Variants in TECPR2 observed in about 807,000 individuals in gnomAD.
TECPR2 encodes the protein tectonin beta-propeller repeat-containing protein 2.
Under a neutral mutation model 138.1 loss-of-function variants are expected in TECPR2, and 65 were observed. The ratio of observed to expected loss-of-function variants is 0.47; its 90% CI spans 0.39 to 0.58. The LOEUF (loss-of-function observed/expected upper bound fraction) is 0.58, where lower values mean the gene tolerates loss of function less well. TECPR2 is among the 20% of genes least tolerant of loss of function. The pLI, the probability that TECPR2 is intolerant of heterozygous loss-of-function variation, is 0.00. For missense variants in TECPR2, 1,553 were observed against 1,824.5 expected (o/e 0.85, Z 2.71); for synonymous variants, 746 against 749.8 (o/e 0.99, Z 0.08).
chr14:102,472,311 A>G (rs1467176825), intron 17 of TECPR2, among the ~76,000 whole-genome samples: 1 of 152,216 alleles, frequency 6.6e-6, no homozygotes, highest in African/African-American at 2.4e-5. Context: ...TCCTGTCTCC[A>G]TGTAGACTCT....
At chr14:102,376,995 A>T (rs554278649) in intron 2 of TECPR2, 55 bp downstream of exon 2, 1 of 1,549,996 alleles carries the variant, frequency 6.5e-7, no homozygotes, top group Non-Finnish European at 8.8e-7. Context: ...CTGACGCTTA[A>T]CATGCTTGTG....
chr14:102,495,823 C>T (rs986292068), intron 17 of TECPR2, among the ~76,000 whole-genome samples: 2 of 152,214 alleles, frequency 1.3e-5, no homozygotes, highest in African/African-American at 4.8e-5. Flanking sequence ...CATCAGCCCA[C>T]AGTTAGGGGC....
At position 102,443,159 on chromosome 14, in the gene TECPR2, T is replaced by C. The variant is rs1889879438; in HGVS notation, c.2753-488T>C. Among the ~76,000 whole-genome samples, 1 of 152,242 alleles carries C rather than the reference T, an allele frequency of 6.6e-6. No individual in the cohort carries two copies. The highest frequency in any genetic ancestry group is 6.5e-5 in the Admixed American group (1 of 15,282). ...GCAGCCCTCTGCCTGGAAGAGCTGC[T>C]CTGCCCTGCAGCCTTTGGGCCTCCA... is the stretch of plus-strand genomic sequence containing the variant. On this transcript the variant is annotated intron_variant, in intron 11 of 19. Coordinates refer to ENST00000359520, the MANE Select transcript of TECPR2 (RefSeq NM_014844.5). The surrounding 1 kb of genome is among the most constrained non-coding windows in gnomAD (Gnocchi z 4.9).
chr14:102,432,142 C>A lies in TECPR2; in HGVS notation c.1417+14C>A. On this transcript the variant is annotated intron_variant, in intron 8 of 19. Coordinates refer to ENST00000359520, the MANE Select transcript of TECPR2 (RefSeq NM_014844.5). ...AGAAGAAGACAGGTACCCTCTGTAG[C>A]TGGCACACACCCATCTGGGGTTACA... 6.6e-7 allele frequency: 1 copy of A among 1,521,670 alleles called. No individual in the cohort carries two copies. The highest frequency in any genetic ancestry group is 2.1e-5 in the Admixed American group (1 of 47,802). 94.3% of individuals were successfully genotyped at this position (1,521,670 alleles called of 1,614,324 possible).
chr14:102,465,786 A>C, intron 17 of TECPR2: 1 of 338,692 alleles, frequency 3.0e-6, no homozygotes, highest in Non-Finnish European at 4.2e-6. Context: ...GTGCATCCCA[A>C]CACAGAGTCT....
At chr14:102,410,941 C>G (rs1484810165) in intron 4 of TECPR2, among the ~76,000 whole-genome samples, 1 of 152,304 alleles carries the variant, frequency 6.6e-6, no homozygotes, top group South Asian at 2.1e-4. Flanking sequence ...ACTCTCTAAT[C>G]AGATATCCTG....
Position 102,498,522 on chromosome 14 carries a change from A to G in TECPR2, c.*265A>G. On this transcript the variant is annotated 3_prime_UTR_variant, in exon 20 of 20. Transcript: ENST00000359520. ...CTGCCCGGCTGCATGCACTCCGATT[A>G]CCCACGTGCTGCCGTCCTGGTCTCA... The G allele has an allele frequency of 1.9e-6, 1 of 540,118 alleles. No individual in the cohort carries two copies. Among genetic ancestry groups the G allele is most frequent in the Non-Finnish European group, 3.3e-6 (1 of 299,902 alleles). The allele number at this position is 540,118 out of a possible 1,614,324, so 33.5% of individuals were successfully genotyped here. A position where few individuals can be genotyped will look rare whatever the true frequency, so the allele number is the denominator to read the frequency against.
At position 102,434,998 on chromosome 14, in the gene TECPR2, G is replaced by A. The variant is rs765050564; in HGVS notation, c.2181G>A (p.Pro727=). 1.3e-5 allele frequency: 21 copies of A among 1,613,948 alleles called. No individual in the cohort carries two copies. The highest frequency in any genetic ancestry group is 3.3e-5 in the Admixed American group (2 of 60,010). Residue 727 remains proline (P), a synonymous_variant, in exon 9 of 20, where the codon CCG becomes CCA. Transcript: ENST00000359520. The part of the protein sequence containing the change: ...VLGSVGGQLT[P]VSALAASTHK... Reference sequence around the variant, plus strand: ...GGAGTGTGGGAGGACAGCTGACTCCGGTCTCTGCCTTGGCAGCCAGCACTC... The same window carrying A: ...GGAGTGTGGGAGGACAGCTGACTCCAGTCTCTGCCTTGGCAGCCAGCACTC...
chr14:102,498,380 C>A lies in TECPR2; in HGVS notation c.*123C>A. 1.7e-6 allele frequency: 2 copies of A among 1,195,556 alleles called. No homozygotes were observed. The highest frequency in any genetic ancestry group is 2.3e-6 in the Non-Finnish European group (2 of 877,038). The allele number at this position is 1,195,556 out of a possible 1,614,324, so 74.1% of individuals were successfully genotyped here. A position where few individuals can be genotyped will look rare whatever the true frequency, so the allele number is the denominator to read the frequency against. ...TCCAGACACCTCTGGCCAGGTTGGA[C>A]CCGCACACTTACTTTCATCTATGTT... On this transcript the variant is annotated 3_prime_UTR_variant, in exon 20 of 20. Transcript: ENST00000359520.
At chr14:102,423,368 GT>G (rs1241095579) in intron 5 of TECPR2, among the ~76,000 whole-genome samples, 1 of 151,492 alleles carries the variant, frequency 6.6e-6, no homozygotes, top group Non-Finnish European at 1.5e-5. Context: ...AGAGGGAGAG[GT>G]TCCATTGCAT....
In TECPR2 at chr14:102,452,473, G is replaced by A. The variant is rs747983532; in HGVS notation, c.3486G>A (p.Thr1162=). ...SAQSAQSRPS[T]VQLPPEAEMR... ...AGAGCGCACAGTCGCGGCCCTCCACGGTGCAGCTGCCTCCCGAAGCCGAGA... is the reference window on the plus strand; with the variant it reads ...AGAGCGCACAGTCGCGGCCCTCCACAGTGCAGCTGCCTCCCGAAGCCGAGA... The change falls in exon 16 of 20, where the codon ACG becomes ACA. Residue 1162 remains threonine, a synonymous_variant. Transcript: ENST00000359520. The A allele has an allele frequency of 3.1e-5, 50 of 1,613,470 alleles. No individual in the cohort carries two copies. In the Admixed American group the frequency reaches 6.0e-4, roughly 19 times the overall value.
At position 102,425,309 on chromosome 14, in the gene TECPR2, A is replaced by T. The variant is rs4906197; in HGVS notation, c.951+18A>T. ...TCAACCAGGTAAGTGAAGGGACGCC[A>T]CCATATCTTCTGTGTCTATAGGCAA... is the stretch of plus-strand genomic sequence containing the variant. On this transcript the variant is annotated intron_variant, in intron 6 of 19. Transcript: ENST00000359520. 1.3e-6 allele frequency: 2 copies of T among 1,556,636 alleles called. No individual in the cohort carries two copies. Among genetic ancestry groups the T allele is most frequent in the Non-Finnish European group, 1.7e-6 (2 of 1,150,076 alleles).
chr14:102,457,802 A>G (rs1890310055), intron 16 of TECPR2, among the ~76,000 whole-genome samples: 1 of 150,602 alleles, frequency 6.6e-6, no homozygotes, highest in South Asian at 2.1e-4. Context: ...GTTGTTCAAT[A>G]TCAAATTTAG....
intron 17 of TECPR2, among the ~76,000 whole-genome samples, chr14:102,476,832 A>T (rs764643555): frequency 1.3e-5 from 2 of 152,042 alleles, no homozygotes; most frequent in Non-Finnish European, 2.9e-5. Context: ...AGGCGAGCAG[A>T]TTGCCTGAGC....
chr14:102,491,385 T>C (rs1392636209), intron 17 of TECPR2, among the ~76,000 whole-genome samples: 1 of 152,184 alleles, frequency 6.6e-6, no homozygotes, highest in Admixed American at 6.6e-5. Flanking sequence ...CCAGATAATT[T>C]TTTAAATTTT....
At chr14:102,432,552 T>C (rs904863594) in intron 8 of TECPR2, among the ~76,000 whole-genome samples, 1 of 151,992 alleles carries the variant, frequency 6.6e-6, no homozygotes, top group Non-Finnish European at 1.5e-5. Context: ...CGAGTATGCA[T>C]GCCCAGCGAA....
rs139126653 is a variant in TECPR2 at position 102,485,557 on chromosome 14, G to A, written c.3790-11422G>A. Among the ~76,000 whole-genome samples the A allele has an allele frequency of 3.5e-3, 536 of 152,244 alleles. 5 individuals are homozygous for A. The highest frequency in any genetic ancestry group is 0.012 in the African/African-American group (503 of 41,534). On this transcript the variant is annotated intron_variant, in intron 17 of 19. Transcript: ENST00000359520. The stretch of plus-strand genomic sequence containing the variant: ...TAGAAGTAGACCACAGGGTTCTAAC[G>A]GGGTGCCCTGGGTCCTGCAGCAGTC...
At position 102,501,065 on chromosome 14, in the gene TECPR2, A is replaced by T. The variant is rs937900296; in HGVS notation, c.*2808A>T. The T allele has an allele frequency of 6.6e-6, 1 of 152,286 alleles. No homozygotes were observed. The highest frequency in any genetic ancestry group is 6.5e-5 in the Admixed American group (1 of 15,276). 9.4% of individuals were successfully genotyped at this position (152,286 alleles called of 1,614,324 possible). A position where few individuals can be genotyped will look rare whatever the true frequency, so the allele number is the denominator to read the frequency against. Reference sequence around the variant, plus strand: ...GCTAAGTGATGACAGGTGGAGCCCCAGCAGGGGCCACTCTATTGAATGGCA... The same window carrying T: ...GCTAAGTGATGACAGGTGGAGCCCCTGCAGGGGCCACTCTATTGAATGGCA... On this transcript the variant is annotated 3_prime_UTR_variant, in exon 20 of 20. Coordinates refer to ENST00000359520, the MANE Select transcript of TECPR2 (RefSeq NM_014844.5).
chr14:102,486,883 C>G (rs1277808714), intron 17 of TECPR2, among the ~76,000 whole-genome samples: 1 of 152,128 alleles, frequency 6.6e-6, no homozygotes, highest in African/African-American at 2.4e-5. Context: ...GAAGAATAGA[C>G]CAGAAGCAGG....
Sources: allele counts gnomAD v4.1 joint callset (sites outside exome capture counted in the v4.1 genomes callset), GRCh38; gene constraint gnomAD v4.1.1; non-coding constraint Gnocchi (gnomAD v3.1); transcripts MANE v1.5; gene names NCBI Gene and HGNC (gene_info 2026-07-23, HGNC 2026-07-21).